Variants in SATB1 observed in about 807,000 individuals in gnomAD.
SATB1 encodes DNA-binding protein SATB1.
SATB1 carries 11 observed loss-of-function variants against 86.9 expected under a neutral mutation model. The observed-to-expected ratio is 0.13, with a 90% CI of 0.08 to 0.21. The LOEUF is 0.21. SATB1 is among the 10% of genes least tolerant of loss of function. The pLI is 1.00. For synonymous variants in SATB1, 357 were observed against 357.2 expected (o/e 1.00, Z 0.01); for missense variants, 551 against 937.6 (o/e 0.59, Z 5.39).
upstream of SATB1, among the ~76,000 whole-genome samples, chr3:18,442,490 G>C (rs1212928484): frequency 6.6e-6 from 1 of 152,038 alleles, no homozygotes; most frequent in Non-Finnish European, 1.5e-5. Context: ...AACATATTTG[G>C]TATATTTATA....
chr3:18,383,882 G>A (rs1696185407), intron 8 of SATB1, among the ~76,000 whole-genome samples: 1 of 152,014 alleles, frequency 6.6e-6, no homozygotes, highest in Non-Finnish European at 1.5e-5. Context: ...GGAAGAATGT[G>A]AACAAACTGG....
chr3:18,377,175 A>G (rs981922741), intron 9 of SATB1, among the ~76,000 whole-genome samples: 3 of 152,132 alleles, frequency 2.0e-5, no homozygotes, highest in Non-Finnish European at 4.4e-5. Context: ...GATTATAAAT[A>G]CTCCCACAAT....
rs560848555 is a variant in SATB1 at position 18,412,417 on chromosome 3, C to T, written c.639+2694G>A. 4.7e-4 allele frequency among the ~76,000 whole-genome samples: 72 copies of T among 152,176 alleles called. No homozygotes were observed. In the South Asian group the frequency reaches 0.014, roughly 30 times the overall value. On this transcript the variant is annotated intron_variant, in intron 5 of 10. Transcript: ENST00000338745. The stretch of plus-strand genomic sequence containing the variant: ...CTGCTCTATAAAAGGAATTTACCTG[C>T]CCACAGGGTGAACTTTCTACTAACT...
intron 5 of SATB1, among the ~76,000 whole-genome samples, chr3:18,402,773 G>A (rs534553914): frequency 6.6e-6 from 1 of 152,216 alleles, no homozygotes; most frequent in East Asian, 1.9e-4. Context: ...TTTAGCTGAG[G>A]TGGGGAGGAG....
At chr3:18,432,206 C>A (rs748185851) in intron 2 of SATB1, among the ~76,000 whole-genome samples, 1 of 152,146 alleles carries the variant, frequency 6.6e-6, no homozygotes, top group Admixed American at 6.6e-5. Flanking sequence ...AAGGAGCCAA[C>A]TGCAAAGCAT....
chr3:18,440,652 T>C (rs1276496364), upstream of SATB1, among the ~76,000 whole-genome samples: 1 of 152,224 alleles, frequency 6.6e-6, no homozygotes, highest in Non-Finnish European at 1.5e-5. Flanking sequence ...TGAAGCCTGA[T>C]GCTCATCATG....
At chr3:18,383,773 T>C (rs1696180124) in intron 8 of SATB1, among the ~76,000 whole-genome samples, 1 of 152,196 alleles carries the variant, frequency 6.6e-6, no homozygotes, top group Admixed American at 6.5e-5. Context: ...AAGTGCTCTA[T>C]AACGTGTTTT....
At chr3:18,409,855 G>T (rs764920462) in intron 5 of SATB1, among the ~76,000 whole-genome samples, 1 of 151,992 alleles carries the variant, frequency 6.6e-6, no homozygotes, top group Non-Finnish European at 1.5e-5. Flanking sequence ...GGAGCTGCTC[G>T]TAAAAGACCA....
chr3:18,415,968 A>G, intron 4 of SATB1, 39 bp downstream of exon 4: 1 of 1,527,878 alleles, frequency 6.5e-7, no homozygotes, highest in Non-Finnish European at 8.8e-7. Context: ...AGACCAGGTA[A>G]GAAGAATGTT....
At chr3:18,390,468 G>A (rs1696599983) in intron 7 of SATB1, among the ~76,000 whole-genome samples, 2 of 152,148 alleles carry the variant, frequency 1.3e-5, no homozygotes, top group African/African-American at 4.8e-5. Context: ...TATCTCTGTC[G>A]TTTGGCAGGC....
At chr3:18,445,529 C>G (rs1575197426) in exon 1 of SATB1, 1 of 985,548 alleles carries the variant, frequency 1.0e-6, no homozygotes, top group East Asian at 1.1e-4. Context: ...TCTCCGGGGG[C>G]CCCCAACACG....
intron 8 of SATB1, among the ~76,000 whole-genome samples, chr3:18,378,759 C>T (rs920130420): frequency 4.6e-5 from 7 of 152,174 alleles, no homozygotes; most frequent in African/African-American, 1.7e-4. Flanking sequence ...ATAGCTATTA[C>T]ATACTATGGC....
At chr3:18,360,596 T>A (rs1694861360) in intron 9 of SATB1, among the ~76,000 whole-genome samples, 1 of 151,984 alleles carries the variant, frequency 6.6e-6, no homozygotes, top group African/African-American at 2.4e-5. Flanking sequence ...TGTATGCCAA[T>A]AAAATGATTA....
upstream of SATB1, among the ~76,000 whole-genome samples, chr3:18,426,795 G>T (rs766490406): frequency 1.3e-5 from 2 of 151,988 alleles, no homozygotes; most frequent in African/African-American, 4.8e-5. The surrounding 1 kb of genome is among the most constrained non-coding windows in gnomAD (Gnocchi z 4.2). Context: ...AGGGAAATTT[G>T]CAAATTAAGC....
chr3:18,445,288 A>AGCCGCC (rs1553629859), intron 1 of SATB1: 146 of 982,032 alleles, frequency 1.5e-4, no homozygotes, highest in African/African-American at 3.4e-4. Context: ...GCCGAGCCCG[A>AGCCGCC]GCCGCCGCCG....
intron 5 of SATB1, among the ~76,000 whole-genome samples, chr3:18,413,462 C>T (rs953816594): frequency 6.6e-6 from 1 of 152,020 alleles, no homozygotes; most frequent in Non-Finnish European, 1.5e-5. Flanking sequence ...TGGGTGTTTA[C>T]ATCATATTTT....
intron 4 of SATB1, 23 bp from the exon 5 acceptor site, chr3:18,415,257 A>T (rs1559450649): frequency 6.2e-7 from 1 of 1,612,034 alleles, no homozygotes; most frequent in Non-Finnish European, 8.5e-7. Flanking sequence ...TAGATTAGAA[A>T]GGGGATTATT....
intron 2 of SATB1, chr3:18,417,551 G>C (rs569527474): frequency 6.5e-6 from 4 of 620,140 alleles, no homozygotes; most frequent in South Asian, 5.6e-5. Context: ...AATTATCTTC[G>C]ACCACGAAAT....
At chr3:18,350,892 CA>C (rs1452696288) in intron 10 of SATB1, 3 of 241,692 alleles carry the variant, frequency 1.2e-5, no homozygotes, top group Non-Finnish European at 1.6e-5. Flanking sequence ...CACAGAAATA[CA>C]AAAAAATTGC....
Sources: allele counts gnomAD v4.1 joint callset (sites outside exome capture counted in the v4.1 genomes callset), GRCh38; gene constraint gnomAD v4.1.1; non-coding constraint Gnocchi (gnomAD v3.1); transcripts MANE v1.5; gene names NCBI Gene and HGNC (gene_info 2026-07-23, HGNC 2026-07-21).